CTNNA3: variants seen among roughly 807,000 people sequenced by gnomAD.
The protein encoded by CTNNA3 is catenin alpha-3.
In CTNNA3, 76 loss-of-function variants were observed where a neutral mutation model predicts 95.7. The ratio of observed to expected loss-of-function variants is 0.79; its 90% CI spans 0.66 to 0.96. The LOEUF is 0.96. CTNNA3 is among the 40% of genes least tolerant of loss of function. The pLI is 0.00. For missense variants in CTNNA3, 1,191 were observed against 1,089.8 expected, an observed-to-expected ratio of 1.09 and a Z score of -1.31; for synonymous variants, 431 against 374.4, an observed-to-expected ratio of 1.15 and a Z score of -1.74.
intron 13 of CTNNA3, among the ~76,000 whole-genome samples, chr10:66,134,104 G>A (rs181166192): frequency 3.3e-5 from 5 of 151,888 alleles, no homozygotes; most frequent in South Asian, 2.1e-4. Flanking sequence ...AGAAAATATC[G>A]ACAACATGCA....
intron 11 of CTNNA3, among the ~76,000 whole-genome samples, chr10:66,418,682 A>T (rs910995048): frequency 5.4e-5 from 8 of 149,076 alleles, no homozygotes; most frequent in Admixed American, 4.8e-4. Flanking sequence ...ATAATACCCA[A>T]TGATCAAGTG....
At chr10:66,295,523 G>A (rs954134787) in intron 12 of CTNNA3, among the ~76,000 whole-genome samples, 2 of 152,154 alleles carry the variant, frequency 1.3e-5, no homozygotes, top group African/African-American at 4.8e-5. Flanking sequence ...CATGTAGGGG[G>A]CTGGGACAGA....
intron 11 of CTNNA3, among the ~76,000 whole-genome samples, chr10:66,446,058 A>T (rs566247114): frequency 6.6e-6 from 1 of 152,058 alleles, no homozygotes; most frequent in Admixed American, 6.5e-5. Context: ...CTAAGCAAAT[A>T]AACTAGAAAA....
At chr10:67,020,319 ATAT>A (rs1386141326) in intron 7 of CTNNA3, among the ~76,000 whole-genome samples, 1 of 152,218 alleles carries the variant, frequency 6.6e-6, no homozygotes, top group African/African-American at 2.4e-5. Context: ...ATGTTAAATT[ATAT>A]TATTAAGAGC....
intron 2 of CTNNA3, among the ~76,000 whole-genome samples, chr10:67,642,783 T>C (rs1466430015): frequency 6.6e-6 from 1 of 151,756 alleles, no homozygotes; most frequent in Non-Finnish European, 1.5e-5. Flanking sequence ...TGAGCTACCA[T>C]CTCATTGTCA....
chr10:66,754,585 A>G (rs576881648), intron 9 of CTNNA3, among the ~76,000 whole-genome samples: 1 of 152,308 alleles, frequency 6.6e-6, no homozygotes, highest in South Asian at 2.1e-4. Flanking sequence ...GAGAACCCAC[A>G]GCATGGAAGA....
At chr10:66,692,789 G>A (rs1241833370) in intron 9 of CTNNA3, among the ~76,000 whole-genome samples, 1 of 152,188 alleles carries the variant, frequency 6.6e-6, no homozygotes, top group African/African-American at 2.4e-5. Flanking sequence ...CAAGCCAGAA[G>A]AGAGTGGGGG....
chr10:67,228,039 A>C (rs1865008775), intron 5 of CTNNA3, among the ~76,000 whole-genome samples: 1 of 152,140 alleles, frequency 6.6e-6, no homozygotes, highest in South Asian at 2.1e-4. Context: ...TGCTAAGAGG[A>C]AAGTTCACAG....
Position 66,927,472 on chromosome 10 carries a change from T to C in CTNNA3, c.1048-151948A>G, listed in dbSNP as rs763383375. On this transcript the variant is annotated intron_variant, in intron 7 of 17. Transcript: ENST00000433211. This position sits in a 1 kb window ranked among gnomAD's most constrained non-coding sequence, Gnocchi z 4.7. Reference sequence around the variant, plus strand: ...CCAAGACTGCCGCAACCTGGAACTTTTGGACCTGGGATATAACCGGATCCG... The same window carrying C: ...CCAAGACTGCCGCAACCTGGAACTTCTGGACCTGGGATATAACCGGATCCG... 24 of 1,614,134 alleles carry C rather than the reference T, an allele frequency of 1.5e-5. No homozygotes were observed. In the African/African-American group the frequency reaches 2.3e-4, roughly 15 times the overall value.
intron 10 of CTNNA3, among the ~76,000 whole-genome samples, chr10:66,534,500 A>G (rs544029664): frequency 5.4e-4 from 46 of 85,756 alleles, no homozygotes; most frequent in Middle Eastern, 8.5e-3. Flanking sequence ...ATATATATAT[A>G]TGTATATATA....
intron 12 of CTNNA3, among the ~76,000 whole-genome samples, chr10:66,336,179 C>T (rs545960040): frequency 1.4e-4 from 22 of 152,138 alleles, no homozygotes; most frequent in East Asian, 1.4e-3. Flanking sequence ...TTGTGCTTCC[C>T]GGGTGAGGCA....
At chr10:67,051,241 AT>A (rs1226053492) in intron 7 of CTNNA3, among the ~76,000 whole-genome samples, 5 of 152,116 alleles carry the variant, frequency 3.3e-5, no homozygotes, top group Non-Finnish European at 4.4e-5. Flanking sequence ...CGTGAACTAA[AT>A]TTTCTCCCAA....
chr10:67,369,485 GA>G (rs1843337464), intron 5 of CTNNA3, among the ~76,000 whole-genome samples: 1 of 151,770 alleles, frequency 6.6e-6, no homozygotes, highest in South Asian at 2.1e-4. Flanking sequence ...GTCAATAAAA[GA>G]AAAAAATGTA....
chr10:66,078,466 T>C lies in CTNNA3; in HGVS notation c.1978-8977A>G, dbSNP rs181550480. 2.6e-3 allele frequency among the ~76,000 whole-genome samples: 388 copies of C among 152,058 alleles called. 5 individuals carry two copies. Among genetic ancestry groups the C allele is most frequent in the African/African-American group, 9.0e-3 (375 of 41,550 alleles). ...TCCAGACAGAATTGCAAATTCTAGA[T>C]GAATTCTGACCAGTCAAGAAAACAA... On this transcript the variant is annotated intron_variant, in intron 14 of 17. Coordinates refer to ENST00000433211, the MANE Select transcript of CTNNA3 (RefSeq NM_013266.4).
At chr10:65,921,243 T>C (rs1343714672) in intron 17 of CTNNA3, among the ~76,000 whole-genome samples, 4 of 152,224 alleles carry the variant, frequency 2.6e-5, no homozygotes, top group Non-Finnish European at 5.9e-5. Context: ...AAATACATTT[T>C]CTGTTTCCTC....
intron 9 of CTNNA3, among the ~76,000 whole-genome samples, chr10:66,622,333 T>C (rs937505933): frequency 5.3e-5 from 8 of 152,164 alleles, no homozygotes; most frequent in African/African-American, 1.9e-4. Flanking sequence ...GGGCACTGTT[T>C]GACATTCCTG....
intron 15 of CTNNA3, among the ~76,000 whole-genome samples, chr10:66,019,585 T>C (rs1340582952): frequency 6.6e-6 from 1 of 152,098 alleles, no homozygotes; most frequent in Non-Finnish European, 1.5e-5. Flanking sequence ...AAAAATCTGT[T>C]GCTGAAATAC....
chr10:66,443,375 A>ACCC (rs1227314503), intron 11 of CTNNA3, among the ~76,000 whole-genome samples: 3 of 151,978 alleles, frequency 2.0e-5, no homozygotes, highest in Non-Finnish European at 4.4e-5. Flanking sequence ...TGGGTGTCTG[A>ACCC]CCCCCGAGCA....
At chr10:67,074,615 G>C (rs1327168156) in intron 7 of CTNNA3, among the ~76,000 whole-genome samples, 11 of 152,080 alleles carry the variant, frequency 7.2e-5, no homozygotes, top group African/African-American at 2.4e-4. Context: ...TTCCCAAAGT[G>C]CTGGGATTAC....
Sources: allele counts gnomAD v4.1 joint callset (sites outside exome capture counted in the v4.1 genomes callset), GRCh38; gene constraint gnomAD v4.1.1; non-coding constraint Gnocchi (gnomAD v3.1); transcripts MANE v1.5; gene names NCBI Gene and HGNC (gene_info 2026-07-23, HGNC 2026-07-21).